The following INTS11 variants were observed in gnomAD, a reference collection of about 807,000 sequenced individuals.
INTS11 encodes integrator complex subunit 11.
A neutral mutation model predicts 78.6 loss-of-function variants in INTS11; 77 were observed. That is an observed-to-expected ratio of 0.98 (90% CI 0.81 to 1.18). The LOEUF is 1.18. INTS11 is among the 50% of genes most tolerant of loss of function. The probability of loss-of-function intolerance (pLI) is 0.00; values close to 1 mark genes in which losing one functional copy is unlikely to be tolerated. For missense variants in INTS11, 875 were observed against 825.9 expected, an observed-to-expected ratio of 1.06 and a Z score of -0.73; for synonymous variants, 441 against 326.9, an observed-to-expected ratio of 1.35 and a Z score of -3.77.
intron 4 of INTS11, among the ~76,000 whole-genome samples, chr1:1,315,887 C>T (rs560032038): frequency 6.6e-6 from 1 of 151,950 alleles, no homozygotes; most frequent in Non-Finnish European, 1.5e-5. Context: ...TTTTCAGTCC[C>T]TGTTGCTCAC....
chr1:1,312,230 T>A lies in INTS11; in HGVS notation c.1603A>T (p.Lys535Ter). The A allele has an allele frequency of 2.1e-6, 3 of 1,425,882 alleles. No individual in the cohort carries two copies. The highest frequency in any genetic ancestry group is 2.8e-6 in the Non-Finnish European group (3 of 1,054,530). The allele number at this position is 1,425,882 out of a possible 1,614,324, so 88.3% of individuals were successfully genotyped here. ...ETALRVYSHL[K>*]SVLKDHCVQH... is the part of the protein sequence containing the mutation. The stretch of plus-strand genomic sequence containing the variant: ...GGGGCGGGGCCGGGCGCCCACCTCT[T>A]GAGGTGGCTGTAGACGCGCAATGCC... Residue 535 changes from lysine to a stop codon, truncating the protein, a stop_gained, in exon 15 of 17, where the codon AAG (lysine) becomes TAG (stop). Transcript: ENST00000435064. LOFTEE classifies it high-confidence loss of function.
intron 2 of INTS11, 35 bp from the exon 3 acceptor site, chr1:1,320,564 G>T (rs767163394): frequency 1.2e-6 from 2 of 1,609,166 alleles, no homozygotes; most frequent in South Asian, 1.1e-5. Context: ...GTTGCACAGT[G>T]GTCTCCAGGC....
Position 1,322,012 on chromosome 1 carries a change from T to A in INTS11, c.29-919A>T, listed in dbSNP as rs1642976794. 3 of 1,334,124 alleles carry A rather than the reference T, an allele frequency of 2.2e-6. No individual in the cohort carries two copies. The African/African-American group carries it at 4.6e-5, about 20-fold the overall frequency. The allele number at this position is 1,334,124 out of a possible 1,614,324, so 82.6% of individuals were successfully genotyped here. On this transcript the variant is annotated intron_variant, in intron 1 of 16. Coordinates refer to ENST00000435064, the MANE Select transcript of INTS11 (RefSeq NM_017871.6). ...GCCACAGAGAGGGGATCTCAGGTTCTCTTCCAGGCCTGTTCCTGCCCCCGC... is the reference window on the plus strand; with the variant it reads ...GCCACAGAGAGGGGATCTCAGGTTCACTTCCAGGCCTGTTCCTGCCCCCGC...
chr1:1,319,727 G>T, intron 3 of INTS11: 1 of 577,212 alleles, frequency 1.7e-6, no homozygotes, highest in Middle Eastern at 4.5e-4. Flanking sequence ...ATAAGCAAAC[G>T]GGAAATTGAA....
Position 1,313,737 on chromosome 1 carries a change from G to A in INTS11, c.952C>T (p.Pro318Ser). Residue 318 changes from proline to serine, a missense_variant, in exon 9 of 17, where the codon CCG becomes TCG. Transcript: ENST00000435064. ...GGCCCTGCCGCGGGCCTCACCATCGGTCCTGGGTTGTCAGCAAAAGCCCGG... is the reference window on the plus strand; with the variant it reads ...GGCCCTGCCGCGGGCCTCACCATCGATCCTGGGTTGTCAGCAAAAGCCCGG... Reference protein sequence around the residue: ...FDRAFADNPGPMVVFATPGML... With the variant: ...FDRAFADNPGSMVVFATPGML... 6.2e-7 allele frequency: 1 copy of A among 1,612,794 alleles called. No individual in the cohort carries two copies. The highest frequency in any genetic ancestry group is 8.5e-7 in the Non-Finnish European group (1 of 1,179,818).
At position 1,312,088 on chromosome 1, in the gene INTS11, A is replaced by G; in HGVS notation, c.1667T>C (p.Val556Ala). ...LPDGSVTVES[V>A]LLQAAAPSED... is the part of the protein sequence containing the mutation. ...AGAAGGGGCGGCGGCCTGGAGGAGG[A>G]CGGACTCCACAGTCACAGAGCCGTC... The change falls in exon 16 of 17, where the codon GTC becomes GCC. Residue 556 changes from valine (V) to alanine (A), a missense_variant. Physicochemically the swap from Val to Ala is moderately conservative, Grantham distance 64. Transcript: ENST00000435064. The G allele has an allele frequency of 1.3e-6, 2 of 1,574,184 alleles. No individual in the cohort carries two copies. The highest frequency in any genetic ancestry group is 1.7e-6 in the Non-Finnish European group (2 of 1,158,494).
At chr1:1,313,149 G>C (rs747119335) in intron 10 of INTS11, 25 bp from the exon 11 acceptor site, 3 of 1,594,780 alleles carry the variant, frequency 1.9e-6, no homozygotes, top group Non-Finnish European at 2.6e-6. Context: ...AGAGCTCACA[G>C]CCAGGGAACT....
intron 1 of INTS11, among the ~76,000 whole-genome samples, chr1:1,321,489 A>G (rs1220397595): frequency 6.6e-6 from 1 of 152,204 alleles, no homozygotes; most frequent in East Asian, 1.9e-4. Flanking sequence ...AGAGCTGCAA[A>G]CCAATGAGGC....
intron 4 of INTS11, chr1:1,318,769 T>G: frequency 1.9e-6 from 1 of 533,486 alleles, no homozygotes; most frequent in Non-Finnish European, 3.4e-6. Flanking sequence ...TCAAGAAATA[T>G]AAAAGCAATA....
At position 1,322,866 on chromosome 1, in the gene INTS11, A is replaced by G. The variant is rs3845293; in HGVS notation, c.28+1715T>C. The G allele has an allele frequency of 2.0e-4, 231 of 1,160,850 alleles. 4 individuals are homozygous for G. In the Admixed American group the frequency reaches 9.3e-3, roughly 47 times the overall value. The allele number at this position is 1,160,850 out of a possible 1,614,324, so 71.9% of individuals were successfully genotyped here. A position where few individuals can be genotyped will look rare whatever the true frequency, so the allele number is the denominator to read the frequency against. On this transcript the variant is annotated intron_variant, in intron 1 of 16. Coordinates refer to ENST00000435064, the MANE Select transcript of INTS11 (RefSeq NM_017871.6). ...CAGTCCCTGGTGCAGGGAAGCGGTG[A>G]AACAGGACTTCGGCTTTGATGATAC... is the stretch of plus-strand genomic sequence containing the variant.
chr1:1,314,048 C>G lies in INTS11; in HGVS notation c.768-127G>C. ...GCACGGGCCAGGTTGAGTCCAGTCG[C>G]GACCACTTGTCCCATTAAGCCCTGC... On this transcript the variant is annotated intron_variant, in intron 8 of 16. Coordinates refer to ENST00000435064, the MANE Select transcript of INTS11 (RefSeq NM_017871.6). The surrounding 1 kb of genome is among the most constrained non-coding windows in gnomAD (Gnocchi z 4.2). The G allele has an allele frequency of 2.0e-6, 2 of 976,720 alleles. No individual in the cohort carries two copies. The highest frequency in any genetic ancestry group is 3.1e-5 in the South Asian group (2 of 64,678). The allele number at this position is 976,720 out of a possible 1,614,324, so 60.5% of individuals were successfully genotyped here. A position where few individuals can be genotyped will look rare whatever the true frequency, so the allele number is the denominator to read the frequency against.
Position 1,312,157 on chromosome 1 carries a change from G to A in INTS11, c.1608-10C>T, listed in dbSNP as rs1055551604. 2 of 1,511,548 alleles carry A rather than the reference G, an allele frequency of 1.3e-6. No individual in the cohort carries two copies. The highest frequency in any genetic ancestry group is 1.8e-6 in the Non-Finnish European group (2 of 1,130,132). The allele number at this position is 1,511,548 out of a possible 1,614,324, so 93.6% of individuals were successfully genotyped here. A position where few individuals can be genotyped will look rare whatever the true frequency, so the allele number is the denominator to read the frequency against. The stretch of plus-strand genomic sequence containing the variant: ...GTGGTCCTTCAGGACGCTGTGGGGA[G>A]GCTCGGTGAGACCCTGCCTGGCCTC... On this transcript the variant is annotated splice_polypyrimidine_tract_variant and intron_variant, in intron 15 of 16. Transcript: ENST00000435064.
intron 4 of INTS11, chr1:1,318,708 G>A (rs563766611): frequency 4.7e-5 from 22 of 470,316 alleles, no homozygotes; most frequent in Non-Finnish European, 7.7e-5. Flanking sequence ...ATTTTGACAA[G>A]TTCAATCAGA....
Position 1,313,126 on chromosome 1 carries a change from TG to T in INTS11, c.1042-3del, listed in dbSNP as rs1294863799. 1 of 1,605,448 alleles carries T rather than the reference TG, an allele frequency of 6.2e-7. No individual in the cohort carries two copies. The highest frequency in any genetic ancestry group is 8.5e-7 in the Non-Finnish European group (1 of 1,179,158). ...CACGCAGTAGCCGGGCATGATGACC[TG>T]GGGGCAGGCACAGAGCTCACAGCCA... is the stretch of plus-strand genomic sequence containing the variant. On this transcript the variant is annotated splice_polypyrimidine_tract_variant and splice_region_variant and intron_variant, in intron 10 of 16. Coordinates refer to ENST00000435064, the MANE Select transcript of INTS11 (RefSeq NM_017871.6).
Position 1,311,864 on chromosome 1 carries a change from TG to T in INTS11, c.1797del (p.Ser600AlafsTer57). 7 of 1,553,818 alleles carry T rather than the reference TG, an allele frequency of 4.5e-6. No individual in the cohort carries two copies. The highest frequency in any genetic ancestry group is 5.2e-6 in the Non-Finnish European group (6 of 1,149,912). On this transcript the variant is annotated frameshift_variant, in exon 17 of 17. Transcript: ENST00000435064. LOFTEE classifies it high-confidence loss of function. ...GGCTGGGTGAGTTGCCGGCCTCAGCTGGGGGCCTGGGGGAGGCCCTTCTTCA... is the reference window on the plus strand; with the variant it reads ...GGCTGGGTGAGTTGCCGGCCTCAGCTGGGGCCTGGGGGAGGCCCTTCTTCA... ...SLLKKGLPQA[P>X]S
Position 1,311,858 on chromosome 1 carries a change from C to T in INTS11, c.*1G>A, listed in dbSNP as rs779498382. ...GGTGGCGGCTGGGTGAGTTGCCGGC[C>T]TCAGCTGGGGGCCTGGGGGAGGCCC... On this transcript the variant is annotated 3_prime_UTR_variant, in exon 17 of 17. Coordinates refer to ENST00000435064, the MANE Select transcript of INTS11 (RefSeq NM_017871.6). 6 of 1,548,932 alleles carry T rather than the reference C, an allele frequency of 3.9e-6. No homozygotes were observed. The Admixed American group carries it at 6.0e-5, about 15-fold the overall frequency.
At chr1:1,313,193 G>A (rs899740247) in intron 10 of INTS11, 69 bp from the exon 11 acceptor site, 70 of 1,503,750 alleles carry the variant, frequency 4.7e-5, no homozygotes, top group Non-Finnish European at 5.8e-5. Flanking sequence ...TGCCCGGGAT[G>A]CCCCCGCCTG....
intron 12 of INTS11, 28 bp from the exon 13 acceptor site, chr1:1,312,728 A>ATG: frequency 1.3e-6 from 2 of 1,590,352 alleles, no homozygotes; most frequent in Non-Finnish European, 8.6e-7. Context: ...AGAGAGCCTC[A>ATG]GCCCAGGCTG....
chr1:1,323,886 G>A (rs1465755732), intron 1 of INTS11, among the ~76,000 whole-genome samples: 2 of 16,212 alleles, frequency 1.2e-4, no homozygotes, highest in African/African-American at 5.9e-4. Context: ...GGGCTGAGGG[G>A]CTTGCGGGGT....
Sources: gnomAD v4.1 joint callset for allele counts (sites outside exome capture counted in the v4.1 genomes callset) on GRCh38, gnomAD v4.1.1 for gene constraint, Gnocchi (gnomAD v3.1) non-coding constraint, MANE v1.5 for transcripts, NCBI Gene and HGNC (gene_info 2026-07-23, HGNC 2026-07-21) for gene names.